The following SPPL2A variants were observed in gnomAD, a reference collection of about 807,000 sequenced individuals.
SPPL2A encodes signal peptide peptidase like 2A.
Under a neutral mutation model 63.8 loss-of-function variants are expected in SPPL2A, and 51 were observed. The ratio of observed to expected loss-of-function variants is 0.80; its 90% CI spans 0.64 to 1.01. The LOEUF is 1.01. SPPL2A is among the 50% of genes least tolerant of loss of function. The probability of loss-of-function intolerance (pLI) is 0.00; values close to 1 mark genes in which losing one functional copy is unlikely to be tolerated. For missense variants in SPPL2A, 553 were observed against 622.7 expected, an observed-to-expected ratio of 0.89 and a Z score of 1.19; for synonymous variants, 188 against 205.8, an observed-to-expected ratio of 0.91 and a Z score of 0.74.
At chr15:50,708,307 T>C (rs937384837) in intron 14 of SPPL2A, among the ~76,000 whole-genome samples, 7 of 152,232 alleles carry the variant, frequency 4.6e-5, no homozygotes, top group African/African-American at 9.6e-5. Flanking sequence ...TGTGATATTA[T>C]TGACACCTTG....
rs149226787 is a variant in SPPL2A at position 50,734,329 on chromosome 15, C to T, written c.933-1645G>A. On this transcript the variant is annotated intron_variant, in intron 8 of 14. Coordinates refer to ENST00000261854, the MANE Select transcript of SPPL2A (RefSeq NM_032802.4). Reference sequence around the variant, plus strand: ...ATACACACAATGGAATATTATTCAGCCATAAAAAATAATGAAGTCTTGTCA... The same window carrying T: ...ATACACACAATGGAATATTATTCAGTCATAAAAAATAATGAAGTCTTGTCA... Among the ~76,000 whole-genome samples the T allele has an allele frequency of 9.7e-3, 1,473 of 152,050 alleles. 9 individuals are homozygous for T. Among genetic ancestry groups the T allele is most frequent in the East Asian group, 0.021 (109 of 5,186 alleles).
chr15:50,712,647 C>T (rs2062567678), intron 14 of SPPL2A, among the ~76,000 whole-genome samples: 1 of 149,834 alleles, frequency 6.7e-6, no homozygotes, highest in African/African-American at 2.5e-5. Context: ...TCCTTTCCTT[C>T]CTTTCCTCCC....
In SPPL2A at chr15:50,748,204, T is replaced by G; in HGVS notation, c.361-2A>C. ...AGATCTGTTACCTGAGGGAGGAAAC[T>G]AAAAAAGAAAAAATTATGAAAACTT... On this transcript the variant is annotated splice_acceptor_variant, in intron 3 of 14. Coordinates refer to ENST00000261854, the MANE Select transcript of SPPL2A (RefSeq NM_032802.4). LOFTEE classifies it high-confidence loss of function. 1 of 1,368,326 alleles carries G rather than the reference T, an allele frequency of 7.3e-7. No homozygotes were observed. The highest frequency in any genetic ancestry group is 9.8e-7 in the Non-Finnish European group (1 of 1,017,256). The allele number at this position is 1,368,326 out of a possible 1,614,324, so 84.8% of individuals were successfully genotyped here.
intron 8 of SPPL2A, among the ~76,000 whole-genome samples, chr15:50,733,516 A>C (rs2062746433): frequency 6.6e-6 from 1 of 152,182 alleles, no homozygotes; most frequent in South Asian, 2.1e-4. Flanking sequence ...ATATCAAATC[A>C]AAGTGGATTA....
intron 1 of SPPL2A, among the ~76,000 whole-genome samples, chr15:50,751,052 A>C (rs1459002182): frequency 6.6e-6 from 1 of 152,208 alleles, no homozygotes; most frequent in African/African-American, 2.4e-5. Context: ...TGTCCCTTGA[A>C]CATTTTGGAT....
chr15:50,738,792 A>G (rs1055771004), intron 6 of SPPL2A, among the ~76,000 whole-genome samples: 1 of 152,164 alleles, frequency 6.6e-6, no homozygotes, highest in African/African-American at 2.4e-5. Context: ...GGAGATGGAC[A>G]AGCCATTATA....
Position 50,720,036 on chromosome 15 carries a change from A to G in SPPL2A, c.1392T>C (p.Ala464=). Residue 464 remains alanine, a synonymous_variant, in exon 14 of 15, where the codon GCT becomes GCC. Transcript: ENST00000261854. ...VLVLMKKGQP[A]LLYLVPCTLI... is the part of the protein sequence containing the mutation. ...GTGTGCAAGGTACTAAATAGAGGAG[A>G]GCAGGTTGCCCCTTTTTCATCAGCA... 3.1e-6 allele frequency: 5 copies of G among 1,613,600 alleles called. No individual in the cohort carries two copies. Among genetic ancestry groups the G allele is most frequent in the Non-Finnish European group, 4.2e-6 (5 of 1,179,636 alleles).
intron 5 of SPPL2A, among the ~76,000 whole-genome samples, chr15:50,740,324 G>A (rs149697656): frequency 9.4e-4 from 142 of 151,418 alleles, no homozygotes; most frequent in African/African-American, 3.3e-3. Flanking sequence ...CTACTTGGGA[G>A]GCTGAGGCGG....
intron 1 of SPPL2A, among the ~76,000 whole-genome samples, chr15:50,752,147 A>C (rs1317200260): frequency 6.6e-6 from 1 of 152,172 alleles, no homozygotes; most frequent in East Asian, 1.9e-4. Flanking sequence ...TTCTTTTTAA[A>C]AGAGCTTTAC....
chr15:50,706,369 G>A lies in SPPL2A; in HGVS notation c.*1431C>T, dbSNP rs1446443856. The A allele has an allele frequency of 1.6e-5, 2 of 123,664 alleles. No homozygotes were observed. The highest frequency in any genetic ancestry group is 3.1e-5 in the African/African-American group (1 of 32,042). 7.7% of individuals were successfully genotyped at this position (123,664 alleles called of 1,614,324 possible). On this transcript the variant is annotated 3_prime_UTR_variant, in exon 15 of 15. Transcript: ENST00000261854. ...CCCGCCACTGCACTCCAGCCTGGGCGACAGAGCGAGACTCCGTCTCAAAAA... is the reference window on the plus strand; with the variant it reads ...CCCGCCACTGCACTCCAGCCTGGGCAACAGAGCGAGACTCCGTCTCAAAAA...
At chr15:50,744,670 T>C (rs1396453936) in intron 5 of SPPL2A, among the ~76,000 whole-genome samples, 1 of 152,254 alleles carries the variant, frequency 6.6e-6, no homozygotes, top group Non-Finnish European at 1.5e-5. Context: ...TTTAAAGTTT[T>C]AGTTAATCTT....
At chr15:50,763,065 C>T (rs1206633816) in intron 1 of SPPL2A, among the ~76,000 whole-genome samples, 2 of 151,796 alleles carry the variant, frequency 1.3e-5, no homozygotes, top group Non-Finnish European at 2.9e-5. Flanking sequence ...TTTCAAGAGC[C>T]CAGAGAGGAG....
chr15:50,721,433 C>T (rs1304788628), intron 13 of SPPL2A, among the ~76,000 whole-genome samples: 1 of 150,310 alleles, frequency 6.7e-6, no homozygotes, highest in East Asian at 1.9e-4. Context: ...CTTTTTCTTC[C>T]TTTCTTTTTT....
At chr15:50,758,180 T>A (rs1277494602) in intron 1 of SPPL2A, among the ~76,000 whole-genome samples, 1 of 148,738 alleles carries the variant, frequency 6.7e-6, no homozygotes, top group African/African-American at 2.5e-5. Context: ...TCCCAGCTAC[T>A]CAGGAGGCTG....
chr15:50,754,502 T>C (rs186808106), intron 1 of SPPL2A, among the ~76,000 whole-genome samples: 2 of 152,314 alleles, frequency 1.3e-5, no homozygotes, highest in Admixed American at 1.3e-4. Flanking sequence ...TACTAAATAC[T>C]ATCGGCTTAT....
chr15:50,755,972 C>T (rs1355492690), intron 1 of SPPL2A, among the ~76,000 whole-genome samples: 1 of 152,014 alleles, frequency 6.6e-6, no homozygotes, highest in Non-Finnish European at 1.5e-5. Flanking sequence ...GTCAATGGAC[C>T]CCACCTTGAG....
chr15:50,761,149 A>G (rs1393123877), intron 1 of SPPL2A, among the ~76,000 whole-genome samples: 1 of 151,742 alleles, frequency 6.6e-6, no homozygotes, highest in Non-Finnish European at 1.5e-5. Flanking sequence ...AGCTGGGACT[A>G]GAGACACAAG....
rs1212264194 is a variant in SPPL2A, at chr15:50,746,087, G to T, written c.584+1408C>A. 3.3e-5 allele frequency among the ~76,000 whole-genome samples: 5 copies of T among 151,642 alleles called. No individual in the cohort carries two copies. The East Asian group carries it at 7.8e-4, about 24-fold the overall frequency. ...TATAAATATATAATTTTTAATGTGA[G>T]AAATCCTAAAATTGAGAGATGCCTC... On this transcript the variant is annotated intron_variant, in intron 5 of 14. Transcript: ENST00000261854.
chr15:50,714,081 C>T (rs1317860551), intron 14 of SPPL2A, among the ~76,000 whole-genome samples: 1 of 152,180 alleles, frequency 6.6e-6, no homozygotes, highest in African/African-American at 2.4e-5. Flanking sequence ...CTCTTTACTT[C>T]TATGGGTTAT....
Sources: gnomAD v4.1 joint callset for allele counts (sites outside exome capture counted in the v4.1 genomes callset) on GRCh38, gnomAD v4.1.1 for gene constraint, MANE v1.5 for transcripts, NCBI Gene and HGNC (gene_info 2026-07-23, HGNC 2026-07-21) for gene names.